C1QL1: variants seen among roughly 807,000 people sequenced by gnomAD.
C1QL1 encodes the protein C1q-related factor.
Under a neutral mutation model 14.2 loss-of-function variants are expected in C1QL1, and 15 were observed. That is an observed-to-expected ratio of 1.06 (90% CI 0.71 to 1.62). The LOEUF (loss-of-function observed/expected upper bound fraction) is 1.62. C1QL1 is among the 40% of genes most tolerant of loss of function. C1QL1 has a pLI of 0.00. For synonymous variants in C1QL1, 172 were observed against 172.4 expected (o/e 1.00, Z 0.02); for missense variants, 346 against 380.3 (o/e 0.91, Z 0.75).
At chr17:44,966,647 C>G (rs2052658506) in intron 1 of C1QL1, among the ~76,000 whole-genome samples, 1 of 152,180 alleles carries the variant, frequency 6.6e-6, no homozygotes, top group Non-Finnish European at 1.5e-5. Flanking sequence ...TGCTTTCCAG[C>G]TGCAGCGTCT....
chr17:44,961,758 C>T (rs1186411804), intron 1 of C1QL1, among the ~76,000 whole-genome samples: 3 of 151,042 alleles, frequency 2.0e-5, no homozygotes, highest in African/African-American at 2.4e-5. Context: ...CGGTGGCGGG[C>T]GCCTGTAGTC....
rs745458814 is a variant in C1QL1 at position 44,960,384 on chromosome 17, C to T, written c.598-17G>A. 1.2e-5 allele frequency: 20 copies of T among 1,600,780 alleles called. No individual in the cohort carries two copies. The highest frequency in any genetic ancestry group is 3.7e-4 in the Middle Eastern group (2 of 5,350). On this transcript the variant is annotated splice_polypyrimidine_tract_variant and intron_variant, in intron 1 of 1. Coordinates refer to ENST00000253407, the MANE Select transcript of C1QL1 (RefSeq NM_006688.5). ...GGCCCGCACCTGCGGGTGGGGGACA[C>T]GGGAGGGAGGGCGAGAGGAGAGAGA...
chr17:44,962,559 T>C (rs1376122709), intron 1 of C1QL1, among the ~76,000 whole-genome samples: 1 of 152,084 alleles, frequency 6.6e-6, no homozygotes, highest in East Asian at 1.9e-4. Flanking sequence ...AGTCTTTTGA[T>C]GATAAAGAAA....
intron 1 of C1QL1, among the ~76,000 whole-genome samples, chr17:44,966,116 G>C (rs532423849): frequency 6.6e-6 from 1 of 152,344 alleles, no homozygotes; most frequent in South Asian, 2.1e-4. Flanking sequence ...ACACAGGAGA[G>C]AGATGGACAA....
At chr17:44,961,910 A>AGAGAGAG (rs1400802921) in intron 1 of C1QL1, among the ~76,000 whole-genome samples, 6 of 129,750 alleles carry the variant, frequency 4.6e-5, no homozygotes, top group Non-Finnish European at 7.8e-5. Flanking sequence ...AAAAAAAAAA[A>AGAGAGAG]AGAGAGAGAG....
intron 1 of C1QL1, among the ~76,000 whole-genome samples, chr17:44,962,118 A>G (rs1410162397): frequency 6.6e-6 from 1 of 151,842 alleles, no homozygotes; most frequent in Admixed American, 6.6e-5. Context: ...TCTCTCAGCC[A>G]GGTTTCTCCA....
chr17:44,962,226 C>T (rs1425755011), intron 1 of C1QL1, among the ~76,000 whole-genome samples: 1 of 152,158 alleles, frequency 6.6e-6, no homozygotes, highest in African/African-American at 2.4e-5. Context: ...AGGGGAGGGG[C>T]CCATCCTCTC....
Position 44,967,635 on chromosome 17 carries a change from G to A in C1QL1, c.414C>T (p.Asn138=), listed in dbSNP as rs781665714. Reference sequence around the variant, plus strand: ...TGAGTACCTCGTAACCCTCGTGGGGGTTCTTGAGGCCGGCGTAGAAGGCCA... The same window carrying A: ...TGAGTACCTCGTAACCCTCGTGGGGATTCTTGAGGCCGGCGTAGAAGGCCA... ...PRVAFYAGLK[N]PHEGYEVLKF... is the part of the protein sequence containing the mutation. The change falls in exon 1 of 2, where the codon AAC becomes AAT. Residue 138 remains asparagine (N), a synonymous_variant. Transcript: ENST00000253407. The surrounding 1 kb of genome is among the most constrained non-coding windows in gnomAD (Gnocchi z 7.0). 2.5e-6 allele frequency: 4 copies of A among 1,613,946 alleles called. No homozygotes were observed. The South Asian group carries it at 4.4e-5, about 18-fold the overall frequency.
chr17:44,968,116 C>G lies in C1QL1; in HGVS notation c.-68G>C. 1 of 1,041,998 alleles carries G rather than the reference C, an allele frequency of 9.6e-7. No homozygotes were observed. Among genetic ancestry groups the G allele is most frequent in the Non-Finnish European group, 1.2e-6 (1 of 832,822 alleles). 64.5% of individuals were successfully genotyped at this position (1,041,998 alleles called of 1,614,324 possible). ...GCGGAGCCTGGGGAGCGCCGGGCCG[C>G]CCGGCCGCGCCGTCGGGGCAATGGT... On this transcript the variant is annotated 5_prime_UTR_variant, in exon 1 of 2. Transcript: ENST00000253407.
chr17:44,966,717 C>T (rs576478762), intron 1 of C1QL1, among the ~76,000 whole-genome samples: 114 of 152,248 alleles, frequency 7.5e-4, no homozygotes, highest in African/African-American at 2.6e-3. Flanking sequence ...GGGGCTGGAG[C>T]TGGGAGACCA....
At chr17:44,966,245 G>C (rs1410442465) in intron 1 of C1QL1, among the ~76,000 whole-genome samples, 1 of 152,200 alleles carries the variant, frequency 6.6e-6, no homozygotes, top group Admixed American at 6.5e-5. Context: ...CACCTGGCAG[G>C]CTATCTGCTC....
intron 1 of C1QL1, among the ~76,000 whole-genome samples, chr17:44,965,641 C>T (rs2052653907): frequency 6.6e-6 from 1 of 152,222 alleles, no homozygotes. Context: ...GGTTTTACCT[C>T]CCAGTGACTG....
At position 44,967,394 on chromosome 17, in the gene C1QL1, C is replaced by T. The variant is rs2052662472; in HGVS notation, c.597+58G>A. 3.2e-6 allele frequency: 5 copies of T among 1,548,010 alleles called. No homozygotes were observed. Among genetic ancestry groups the T allele is most frequent in the East Asian group, 2.3e-5 (1 of 43,580 alleles). On this transcript the variant is annotated intron_variant, in intron 1 of 1. Coordinates refer to ENST00000253407, the MANE Select transcript of C1QL1 (RefSeq NM_006688.5). This position sits in a 1 kb window ranked among gnomAD's most constrained non-coding sequence, Gnocchi z 7.0. ...CCAACTCCGATCAGGTACCCATTTG[C>T]CCCGGGCTCCCTGGGTGCCCTGGGC...
intron 1 of C1QL1, among the ~76,000 whole-genome samples, chr17:44,961,576 AGTGAGACTCAGTCTC>A: frequency 7.7e-6 from 1 of 129,700 alleles, no homozygotes; most frequent in African/African-American, 3.3e-5. Context: ...TGGGCGACAT[AGTGAGACTCAGTCTC>A]AAAAAAAAAA....
Position 44,959,992 on chromosome 17 carries a change from C to T in C1QL1, c.*196G>A. ...CCGGTTCCCTGGCACGGGGACAGGGCGCGCTGGGCCCGGCTCTGCAGCGAG... is the reference window on the plus strand; with the variant it reads ...CCGGTTCCCTGGCACGGGGACAGGGTGCGCTGGGCCCGGCTCTGCAGCGAG... On this transcript the variant is annotated 3_prime_UTR_variant, in exon 2 of 2. Coordinates refer to ENST00000253407, the MANE Select transcript of C1QL1 (RefSeq NM_006688.5). 2 of 579,754 alleles carry T rather than the reference C, an allele frequency of 3.4e-6. No homozygotes were observed. The highest frequency in any genetic ancestry group is 6.1e-6 in the Non-Finnish European group (2 of 328,490). 35.9% of individuals were successfully genotyped at this position (579,754 alleles called of 1,614,324 possible).
At position 44,967,032 on chromosome 17, in the gene C1QL1, C is replaced by T. The variant is rs1327331744; in HGVS notation, c.597+420G>A. The stretch of plus-strand genomic sequence containing the variant: ...GCGCCCATGGCCACGCGCCTAGGCG[C>T]CCGCGGGCGCGGATGCTGCTTCTCC... On this transcript the variant is annotated intron_variant, in intron 1 of 1. Transcript: ENST00000253407. This position sits in a 1 kb window ranked among gnomAD's most constrained non-coding sequence, Gnocchi z 7.0. Among the ~76,000 whole-genome samples, 2 of 152,166 alleles carry T rather than the reference C, an allele frequency of 1.3e-5. No individual in the cohort carries two copies. The highest frequency in any genetic ancestry group is 3.9e-4 in the East Asian group (2 of 5,184).
In C1QL1 at chr17:44,968,153, G is replaced by T. The variant is rs1260187330; in HGVS notation, c.-105C>A. Reference sequence around the variant, plus strand: ...GTCGGGGCAATGGTGCCGGCGGGCAGGGGGCGCGGGCTAGGCGCCCGCGCT... The same window carrying T: ...GTCGGGGCAATGGTGCCGGCGGGCATGGGGCGCGGGCTAGGCGCCCGCGCT... On this transcript the variant is annotated 5_prime_UTR_variant, in exon 1 of 2. It adds an upstream start codon to the 5' untranslated region. Transcript: ENST00000253407. 6.2e-6 allele frequency: 4 copies of T among 642,932 alleles called. No individual in the cohort carries two copies. Among genetic ancestry groups the T allele is most frequent in the Admixed American group, 1.0e-4 (2 of 19,088 alleles). 39.8% of individuals were successfully genotyped at this position (642,932 alleles called of 1,614,324 possible).
intron 1 of C1QL1, among the ~76,000 whole-genome samples, chr17:44,963,518 G>C (rs944396698): frequency 6.6e-6 from 1 of 152,072 alleles, no homozygotes; most frequent in African/African-American, 2.4e-5. Context: ...CACTTCCCAG[G>C]TTCAAGTGAT....
chr17:44,964,848 CT>C (rs144651912), intron 1 of C1QL1, among the ~76,000 whole-genome samples: 1 of 149,656 alleles, frequency 6.7e-6, no homozygotes. Flanking sequence ...CTTTTCTTTT[CT>C]TTTTTTTTTG....
Sources: gnomAD v4.1 joint callset for allele counts (sites outside exome capture counted in the v4.1 genomes callset) on GRCh38, gnomAD v4.1.1 for gene constraint, Gnocchi (gnomAD v3.1) non-coding constraint, MANE v1.5 for transcripts, NCBI Gene and HGNC (gene_info 2026-07-23, HGNC 2026-07-21) for gene names.